The following TUBD1 variants were observed in gnomAD, a reference collection of about 807,000 sequenced individuals.
The protein encoded by TUBD1 is tubulin delta chain.
A neutral mutation model predicts 51.2 loss-of-function variants in TUBD1; 38 were observed. The ratio of observed to expected loss-of-function variants is 0.74; its 90% CI spans 0.57 to 0.97. TUBD1 has a LOEUF of 0.97. Ranked by LOEUF, TUBD1 falls within the 50% of genes least tolerant of loss-of-function variation. TUBD1 has a pLI of 0.00. For synonymous variants in TUBD1, 169 were observed against 178.2 expected (o/e 0.95, Z 0.41); for missense variants, 489 against 538.4 (o/e 0.91, Z 0.91).
chr17:59,886,448 A>G lies in TUBD1; in HGVS notation c.173-218T>C, dbSNP rs372808367. On this transcript the variant is annotated intron_variant, in intron 2 of 8. Transcript: ENST00000325752. ...GCCCAGCATTTGCTAAGCAGGCTGA[A>G]TCAGTGTGGGCCTAAAAGAGTACCT... 81 of 505,352 alleles carry G rather than the reference A, an allele frequency of 1.6e-4. 1 individual carries two copies. Among genetic ancestry groups the G allele is most frequent in the African/African-American group, 1.4e-3 (72 of 51,554 alleles). The allele number at this position is 505,352 out of a possible 1,614,324, so 31.3% of individuals were successfully genotyped here.
At chr17:59,885,320 A>C in intron 3 of TUBD1, 1 of 637,304 alleles carries the variant, frequency 1.6e-6, no homozygotes, top group Non-Finnish European at 3.0e-6. Flanking sequence ...GAACCGATGC[A>C]CTGGCAGCTA....
In TUBD1 at chr17:59,890,993, C is replaced by G. The variant is rs143563199; in HGVS notation, c.10G>C (p.Val4Leu). 2 of 1,609,976 alleles carry G rather than the reference C, an allele frequency of 1.2e-6. 1 individual carries two copies. Among genetic ancestry groups the G allele is most frequent in the South Asian group, 2.2e-5 (2 of 90,222 alleles). ...CCACACTGACCAAGTTGCACTGTTA[C>G]AATTGACATGCTGAGCCACAAACTA... MSIVTVQLGQCGNQ... is the reference protein window; with the variant it reads MSILTVQLGQCGNQ... The change falls in exon 2 of 9, where the codon GTA (valine) becomes CTA (leucine). Residue 4 changes from valine (V) to leucine (L), a missense_variant. Transcript: ENST00000325752.
At chr17:59,877,460 C>G (rs2040275977) in intron 5 of TUBD1, among the ~76,000 whole-genome samples, 1 of 152,208 alleles carries the variant, frequency 6.6e-6, no homozygotes, top group African/African-American at 2.4e-5. Flanking sequence ...AACTGCAAAG[C>G]CAGAGTTCAG....
chr17:59,889,379 AAG>A (rs2040881626), intron 2 of TUBD1, among the ~76,000 whole-genome samples: 2 of 150,312 alleles, frequency 1.3e-5, no homozygotes, highest in Admixed American at 1.3e-4. Flanking sequence ...TAAGAAAAGA[AAG>A]AGAGGCTGGG....
At chr17:59,885,438 T>C (rs896506263) in intron 3 of TUBD1, 1 of 1,366,834 alleles carries the variant, frequency 7.3e-7, no homozygotes. Context: ...GGGTGGGGGA[T>C]ATGTACCCTG....
At position 59,892,870 on chromosome 17, in the gene TUBD1, G is replaced by C. The variant is rs996563693; in HGVS notation, c.-213C>G. The stretch of plus-strand genomic sequence containing the variant: ...CTATTCAGAAAGATTAATTACGCAT[G>C]TTCAATTTCAATTTACGAACTTCAG... On this transcript the variant is annotated 5_prime_UTR_variant, in exon 1 of 9. Coordinates refer to ENST00000325752, the MANE Select transcript of TUBD1 (RefSeq NM_016261.4). 3 of 343,842 alleles carry C rather than the reference G, an allele frequency of 8.7e-6. No individual in the cohort carries two copies. In the Admixed American group the frequency reaches 1.2e-4, roughly 14 times the overall value. 21.3% of individuals were successfully genotyped at this position (343,842 alleles called of 1,614,324 possible). A position where few individuals can be genotyped will look rare whatever the true frequency, so the allele number is the denominator to read the frequency against.
At chr17:59,863,941 G>T in intron 7 of TUBD1, 94 bp from the exon 8 acceptor site, 1 of 1,122,894 alleles carries the variant, frequency 8.9e-7, no homozygotes, top group Non-Finnish European at 1.2e-6. Context: ...TTTCATCAGA[G>T]ATCTTTTATT....
intron 5 of TUBD1, among the ~76,000 whole-genome samples, chr17:59,876,183 CTT>C (rs58236573): frequency 6.7e-6 from 1 of 149,246 alleles, no homozygotes; most frequent in African/African-American, 2.5e-5. Flanking sequence ...GGCATGAATT[CTT>C]TTTTTTTTCT....
chr17:59,860,182 A>AT lies in TUBD1; in HGVS notation c.*139dup. On this transcript the variant is annotated 3_prime_UTR_variant, in exon 9 of 9. Coordinates refer to ENST00000325752, the MANE Select transcript of TUBD1 (RefSeq NM_016261.4). ...AGGCACCCGCCACCGCGCCTGGCTA[A>AT]TTTTTTGTATTTTCTGGTAGAGACG... The AT allele has an allele frequency of 1.6e-6, 1 of 617,876 alleles. No individual in the cohort carries two copies. Among genetic ancestry groups the AT allele is most frequent in the South Asian group, 2.3e-5 (1 of 42,660 alleles). 38.3% of individuals were successfully genotyped at this position (617,876 alleles called of 1,614,324 possible). A position where few individuals can be genotyped will look rare whatever the true frequency, so the allele number is the denominator to read the frequency against.
chr17:59,860,833 C>T lies in TUBD1; in HGVS notation c.1260-409G>A, dbSNP rs549233704. Among the ~76,000 whole-genome samples, 11 of 151,924 alleles carry T rather than the reference C, an allele frequency of 7.2e-5. No homozygotes were observed. In the South Asian group the frequency reaches 1.0e-3, roughly 14 times the overall value. ...AACTCCCAACCTTAGGTGATCCACC[C>T]GCCTCGGCCTCCCAAAGTGCTGGGA... On this transcript the variant is annotated intron_variant, in intron 8 of 8. Coordinates refer to ENST00000325752, the MANE Select transcript of TUBD1 (RefSeq NM_016261.4).
At chr17:59,866,785 TATTTA>T (rs1186697201) in intron 6 of TUBD1, 36 bp from the exon 7 acceptor site, 1 of 1,560,958 alleles carries the variant, frequency 6.4e-7, no homozygotes, top group Non-Finnish European at 8.7e-7. Flanking sequence ...GGTTTTATTT[TATTTA>T]CTTAGTTTTT....
intron 1 of TUBD1, among the ~76,000 whole-genome samples, chr17:59,891,597 T>C (rs992489871): frequency 3.3e-5 from 5 of 152,190 alleles, no homozygotes; most frequent in African/African-American, 1.2e-4. Flanking sequence ...CTCAATAGTT[T>C]CCAAAATCTG....
intron 2 of TUBD1, among the ~76,000 whole-genome samples, chr17:59,889,897 G>C (rs1326067102): frequency 1.3e-5 from 2 of 150,178 alleles, no homozygotes; most frequent in Admixed American, 1.3e-4. Flanking sequence ...TTGAACACGG[G>C]AGGTGGAGGT....
intron 8 of TUBD1, among the ~76,000 whole-genome samples, chr17:59,861,815 C>G (rs1451605732): frequency 6.6e-6 from 1 of 150,834 alleles, no homozygotes; most frequent in East Asian, 2.0e-4. Flanking sequence ...TTACAGGTGC[C>G]CGCCACCACG....
At chr17:59,886,473 T>C (rs1006289179) in intron 2 of TUBD1, 1 of 382,840 alleles carries the variant, frequency 2.6e-6, no homozygotes, top group Non-Finnish European at 4.7e-6. Context: ...AAAGAGTACC[T>C]GGGTCAGATT....
intron 4 of TUBD1, 102 bp downstream of exon 4, chr17:59,880,792 G>T: frequency 8.9e-7 from 1 of 1,118,148 alleles, no homozygotes; most frequent in Non-Finnish European, 1.3e-6. Context: ...GGGATTACAG[G>T]CATAAGCCAC....
At chr17:59,888,679 A>C (rs1269313241) in intron 2 of TUBD1, among the ~76,000 whole-genome samples, 1 of 152,086 alleles carries the variant, frequency 6.6e-6, no homozygotes, top group Non-Finnish European at 1.5e-5. Flanking sequence ...GGAGAAGAAA[A>C]GTGGGGTGAC....
intron 7 of TUBD1, among the ~76,000 whole-genome samples, chr17:59,865,055 G>A (rs1188962398): frequency 1.3e-5 from 2 of 150,884 alleles, no homozygotes; most frequent in Non-Finnish European, 3.0e-5. Flanking sequence ...ATGGGGTCTC[G>A]TTATGTTGCC....
chr17:59,874,188 CA>C (rs78920820), intron 6 of TUBD1, among the ~76,000 whole-genome samples: 2,727 of 70,606 alleles, frequency 0.039, 32 homozygotes, highest in Admixed American at 0.066. Flanking sequence ...GACTCAGTCT[CA>C]AAAAAAAAAA....
Sources: gnomAD v4.1 joint callset for allele counts (sites outside exome capture counted in the v4.1 genomes callset) on GRCh38, gnomAD v4.1.1 for gene constraint, MANE v1.5 for transcripts, NCBI Gene and HGNC (gene_info 2026-07-23, HGNC 2026-07-21) for gene names.